The following MTCL3 variants were observed in gnomAD, a reference collection of about 807,000 sequenced individuals.
MTCL3 encodes the protein MTCL family member 3.
the MTCL3 span, among the ~76,000 whole-genome samples, chr6:127,494,990 G>A: frequency 2.6e-5 from 4 of 152,080 alleles, no homozygotes; most frequent in African/African-American, 9.7e-5. Flanking sequence ...GAGGTCAGGA[G>A]ATCAAGACCA....
chr6:127,509,568 T>C, the MTCL3 span, among the ~76,000 whole-genome samples: 1 of 152,156 alleles, frequency 6.6e-6, no homozygotes, highest in African/African-American at 2.4e-5. Flanking sequence ...TTTTTGACTT[T>C]ACTCTATAAC....
the MTCL3 span, chr6:127,516,063 C>G: frequency 1.3e-6 from 2 of 1,528,380 alleles, no homozygotes; most frequent in South Asian, 1.2e-5. Flanking sequence ...GAGCGCCCCC[C>G]TCCCTTTCCC....
chr6:127,502,991 T>A, the MTCL3 span, among the ~76,000 whole-genome samples: 1,789 of 152,292 alleles, frequency 0.012, 36 homozygotes, highest in African/African-American at 0.041. Flanking sequence ...TAAAATAGAT[T>A]TTTCCCTACA....
At chr6:127,488,743 G>T in the MTCL3 span, among the ~76,000 whole-genome samples, 1 of 152,178 alleles carries the variant, frequency 6.6e-6, no homozygotes, top group Non-Finnish European at 1.5e-5. Flanking sequence ...TGTATGAGCT[G>T]AAAAGTATTT....
the MTCL3 span, among the ~76,000 whole-genome samples, chr6:127,511,297 A>G: frequency 3.9e-5 from 6 of 152,204 alleles, no homozygotes; most frequent in East Asian, 1.2e-3. Context: ...ATTTTGTTAC[A>G]GCTACCCTAG....
the MTCL3 span, chr6:127,475,672 T>A: frequency 6.3e-7 from 1 of 1,586,246 alleles, no homozygotes; most frequent in Non-Finnish European, 8.5e-7. This position sits in a 1 kb window ranked among gnomAD's most constrained non-coding sequence, Gnocchi z 7.3. Context: ...GTTGCGCACC[T>A]CCTCCGAGTC....
At chr6:127,477,954 T>C in the MTCL3 span, among the ~76,000 whole-genome samples, 1 of 151,266 alleles carries the variant, frequency 6.6e-6, no homozygotes. Flanking sequence ...AAAAGAAGCA[T>C]AAAAGAAAAA....
chr6:127,514,868 C>A, the MTCL3 span: 1 of 1,613,980 alleles, frequency 6.2e-7, no homozygotes, highest in Admixed American at 1.7e-5. Flanking sequence ...CGTCGATTTC[C>A]CCGGTCTGGG....
the MTCL3 span, chr6:127,473,043 A>G: frequency 4.1e-5 from 42 of 1,027,354 alleles, no homozygotes; most frequent in Non-Finnish European, 3.2e-5. Context: ...AGTAAAAATT[A>G]AAACAATTCA....
chr6:127,514,773 T>C, the MTCL3 span: 1 of 1,515,240 alleles, frequency 6.6e-7, no homozygotes, highest in Non-Finnish European at 9.0e-7. Flanking sequence ...TTGGCCAAAG[T>C]CCCCACCCAC....
At chr6:127,516,425 C>G in the MTCL3 span, 1 of 1,600,320 alleles carries the variant, frequency 6.2e-7, no homozygotes, top group Non-Finnish European at 8.5e-7. Flanking sequence ...AGTTTAGTGC[C>G]GGCCCCCACT....
chr6:127,495,216 T>C, the MTCL3 span, among the ~76,000 whole-genome samples: 4 of 151,876 alleles, frequency 2.6e-5, no homozygotes, highest in East Asian at 5.8e-4. Flanking sequence ...AAAAAAATTA[T>C]TTTATATCTT....
chr6:127,516,883 G>C, the MTCL3 span, among the ~76,000 whole-genome samples: 2 of 152,174 alleles, frequency 1.3e-5, no homozygotes, highest in African/African-American at 2.4e-5. Context: ...GGGTGGCGCT[G>C]TCTCCATCTC....
At chr6:127,475,417 A>G in the MTCL3 span, 2 of 1,613,322 alleles carry the variant, frequency 1.2e-6, no homozygotes. The surrounding 1 kb of genome is among the most constrained non-coding windows in gnomAD (Gnocchi z 7.3). Flanking sequence ...GCGGTAGAGC[A>G]GCTCGTGCTC....
the MTCL3 span, among the ~76,000 whole-genome samples, chr6:127,512,719 T>C: frequency 6.6e-6 from 1 of 152,224 alleles, no homozygotes; most frequent in Non-Finnish European, 1.5e-5. Context: ...TCAGAATCTT[T>C]CGTTGCTACT....
chr6:127,481,888 T>C, the MTCL3 span, among the ~76,000 whole-genome samples: 2 of 152,234 alleles, frequency 1.3e-5, no homozygotes, highest in African/African-American at 4.8e-5. Flanking sequence ...AAGACCTTGC[T>C]GATGAAACGC....
At chr6:127,482,580 A>G in the MTCL3 span, among the ~76,000 whole-genome samples, 3 of 152,140 alleles carry the variant, frequency 2.0e-5, no homozygotes, top group South Asian at 2.1e-4. The surrounding 1 kb of genome is among the most constrained non-coding windows in gnomAD (Gnocchi z 4.1). Flanking sequence ...TCCTGACACT[A>G]TAGGAACAGC....
the MTCL3 span, among the ~76,000 whole-genome samples, chr6:127,507,802 C>T: frequency 1.2e-4 from 17 of 143,448 alleles, no homozygotes; most frequent in African/African-American, 4.5e-4. Flanking sequence ...GAGATTGCAC[C>T]ACTGCACTCC....
chr6:127,514,290 G>A, the MTCL3 span, among the ~76,000 whole-genome samples: 11 of 152,074 alleles, frequency 7.2e-5, no homozygotes, highest in African/African-American at 2.4e-4. Flanking sequence ...CCCTCAGGGA[G>A]TCACCTAAGT....
Sources: allele counts gnomAD v4.1 joint callset (sites outside exome capture counted in the v4.1 genomes callset), GRCh38; gene constraint gnomAD v4.1.1; non-coding constraint Gnocchi (gnomAD v3.1); transcripts MANE v1.5; gene names NCBI Gene and HGNC (gene_info 2026-07-23, HGNC 2026-07-21).